Variants in CACNB2 observed in about 807,000 individuals in gnomAD.
The protein encoded by CACNB2 is calcium voltage-gated channel auxiliary subunit beta 2, also known as voltage-dependent L-type calcium channel subunit beta-2.
CACNB2 carries 42 observed loss-of-function variants against 73.3 expected under a neutral mutation model. The observed-to-expected ratio is 0.57, with a 90% confidence interval of 0.45 to 0.74. The LOEUF (loss-of-function observed/expected upper bound fraction) is 0.74, where lower values mean the gene tolerates loss of function less well. Ranked by LOEUF, CACNB2 falls within the 30% of genes least tolerant of loss-of-function variation. The pLI is 0.00. For missense variants in CACNB2, 940 were observed against 853.0 expected (o/e 1.10, Z -1.27); for synonymous variants, 348 against 310.3 (o/e 1.12, Z -1.28).
At chr10:18,291,329 T>C (rs950691228) in intron 2 of CACNB2, among the ~76,000 whole-genome samples, 5 of 152,226 alleles carry the variant, frequency 3.3e-5, no homozygotes, top group African/African-American at 1.2e-4. Flanking sequence ...ACCAAGCTTC[T>C]TATTAAAGCT....
At chr10:18,297,063 C>T (rs2039309249) in intron 2 of CACNB2, among the ~76,000 whole-genome samples, 1 of 152,118 alleles carries the variant, frequency 6.6e-6, no homozygotes, top group Non-Finnish European at 1.5e-5. Context: ...CTTTTGTCTG[C>T]CCTTTCTTTT....
chr10:18,239,944 G>C (rs2036584707), intron 2 of CACNB2, among the ~76,000 whole-genome samples: 1 of 152,124 alleles, frequency 6.6e-6, no homozygotes, highest in Non-Finnish European at 1.5e-5. Flanking sequence ...TGATGACTTT[G>C]GATTCTCATG....
intron 9 of CACNB2, among the ~76,000 whole-genome samples, chr10:18,524,262 G>A (rs922873848): frequency 3.3e-5 from 5 of 151,036 alleles, no homozygotes; most frequent in South Asian, 4.2e-4. Context: ...CTTTCAAAAC[G>A]TCAGCAATCA....
At chr10:18,460,553 G>A (rs896596669) in intron 3 of CACNB2, among the ~76,000 whole-genome samples, 3 of 151,554 alleles carry the variant, frequency 2.0e-5, no homozygotes, top group East Asian at 1.9e-4. Context: ...TTTTCTTTTC[G>A]GCAGGTTAAA....
At chr10:18,380,457 T>C (rs796921075) in intron 2 of CACNB2, among the ~76,000 whole-genome samples, 224 of 144,510 alleles carry the variant, frequency 1.6e-3, no homozygotes, top group Non-Finnish European at 2.4e-3. Flanking sequence ...TTTTTCTTTT[T>C]TTTTTTTTTT....
intron 11 of CACNB2, 98 bp downstream of exon 11, chr10:18,534,325 G>A (rs767721133): frequency 2.0e-5 from 21 of 1,036,328 alleles, no homozygotes; most frequent in Non-Finnish European, 3.2e-5. Flanking sequence ...TAGCCTTTAT[G>A]ATGTATAGAG....
intron 3 of CACNB2, among the ~76,000 whole-genome samples, chr10:18,429,968 G>C (rs938946532): frequency 3.3e-5 from 5 of 152,064 alleles, no homozygotes; most frequent in East Asian, 1.9e-4. Context: ...GACACAGAAA[G>C]ACCCTGTCTC....
chr10:18,435,837 C>G (rs1019452819), intron 3 of CACNB2, among the ~76,000 whole-genome samples: 3 of 151,874 alleles, frequency 2.0e-5, no homozygotes, highest in Non-Finnish European at 4.4e-5. Flanking sequence ...TTTGTTTATC[C>G]TGAAACTTTG....
intron 3 of CACNB2, among the ~76,000 whole-genome samples, chr10:18,410,531 T>G (rs1224155396): frequency 6.6e-6 from 1 of 152,180 alleles, no homozygotes; most frequent in Non-Finnish European, 1.5e-5. Context: ...AAACATGTTT[T>G]AAAAATATGT....
Position 18,150,880 on chromosome 10 carries a change from T to TTTTTTTTTTTTTTTTTC in CACNB2, c.121-3_121-2insTTTTTTTTTTTTTTTTC. The TTTTTTTTTTTTTTTTTC allele has an allele frequency of 7.7e-7, 1 of 1,300,366 alleles. No homozygotes were observed. Among genetic ancestry groups the TTTTTTTTTTTTTTTTTC allele is most frequent in the Non-Finnish European group, 1.1e-6 (1 of 943,298 alleles). The allele number at this position is 1,300,366 out of a possible 1,614,324, so 80.6% of individuals were successfully genotyped here. A position where few individuals can be genotyped will look rare whatever the true frequency, so the allele number is the denominator to read the frequency against. ...CTTTTTTTTTTTTTTTTTTTTTTTT[T>TTTTTTTTTTTTTTTTTC]AGTCATATGGAAAAGGAGCCAGAAG... On this transcript the variant is annotated splice_polypyrimidine_tract_variant and splice_region_variant and intron_variant, in intron 1 of 13. Coordinates refer to ENST00000324631, the MANE Select transcript of CACNB2 (RefSeq NM_201596.3).
chr10:18,323,109 A>C (rs777034576), intron 2 of CACNB2, among the ~76,000 whole-genome samples: 2 of 151,516 alleles, frequency 1.3e-5, no homozygotes, highest in African/African-American at 2.4e-5. Flanking sequence ...CTACAGGCAC[A>C]TGCCACCACA....
intron 3 of CACNB2, among the ~76,000 whole-genome samples, chr10:18,456,217 T>A (rs932727560): frequency 2.1e-4 from 32 of 152,164 alleles, no homozygotes; most frequent in African/African-American, 7.7e-4. Flanking sequence ...ACACCTGTGA[T>A]CCCAGCACTT....
rs763176837 is a variant in CACNB2 at position 18,498,327 on chromosome 10, T to A, written c.334-28T>A. 5.0e-6 allele frequency: 8 copies of A among 1,613,762 alleles called. No individual in the cohort carries two copies. The African/African-American group carries it at 1.1e-4, about 22-fold the overall frequency. On this transcript the variant is annotated intron_variant, in intron 3 of 13. Coordinates refer to ENST00000324631, the MANE Select transcript of CACNB2 (RefSeq NM_201596.3). ...GGGACAGTGTTGTTTTGCTCTTATT[T>A]TTTTCCCTCTTCCTTTTCCCACTTT...
At chr10:18,355,872 A>G (rs1467097300) in intron 2 of CACNB2, among the ~76,000 whole-genome samples, 1 of 152,026 alleles carries the variant, frequency 6.6e-6, no homozygotes. Context: ...TCCTGGCCTC[A>G]TGATCCACCC....
intron 3 of CACNB2, among the ~76,000 whole-genome samples, chr10:18,465,763 C>G (rs942250152): frequency 6.6e-6 from 1 of 151,510 alleles, no homozygotes; most frequent in Admixed American, 6.6e-5. Flanking sequence ...ATCACTGCAA[C>G]CTCTGCCTCC....
chr10:18,502,713 A>AAAAAAAAAAAAC (rs1564625550), intron 5 of CACNB2, among the ~76,000 whole-genome samples: 6 of 117,208 alleles, frequency 5.1e-5, no homozygotes, highest in Non-Finnish European at 6.8e-5. Flanking sequence ...AAAAAAAAAA[A>AAAAAAAAAAAAC]AAAAAAAAAA....
intron 2 of CACNB2, among the ~76,000 whole-genome samples, chr10:18,345,760 A>G (rs1396706368): frequency 6.6e-6 from 1 of 152,208 alleles, no homozygotes; most frequent in Admixed American, 6.5e-5. Flanking sequence ...GAAATAGAGT[A>G]TTCGCATAAT....
intron 2 of CACNB2, among the ~76,000 whole-genome samples, chr10:18,324,333 T>C (rs912635414): frequency 3.9e-5 from 6 of 152,168 alleles, no homozygotes; most frequent in African/African-American, 9.7e-5. Flanking sequence ...AAAGTTTCCA[T>C]TGAATTTAAA....
chr10:18,174,280 C>G (rs993155167), intron 2 of CACNB2, among the ~76,000 whole-genome samples: 4 of 127,946 alleles, frequency 3.1e-5, no homozygotes, highest in African/African-American at 1.2e-4. Context: ...CTCCCTCTCT[C>G]TCTTTCTCTC....
Sources: allele counts gnomAD v4.1 joint callset (sites outside exome capture counted in the v4.1 genomes callset), GRCh38; gene constraint gnomAD v4.1.1; transcripts MANE v1.5; gene names NCBI Gene and HGNC (gene_info 2026-07-23, HGNC 2026-07-21).